Variants in EFHC1 observed in about 807,000 individuals in gnomAD.
The protein encoded by EFHC1 is EF-hand domain-containing protein 1.
Under a neutral mutation model 69.9 loss-of-function variants are expected in EFHC1, and 53 were observed. The ratio of observed to expected loss-of-function variants is 0.76; its 90% confidence interval spans 0.61 to 0.95. The LOEUF is 0.95. EFHC1 is among the 40% of genes least tolerant of loss of function. The pLI, the probability that EFHC1 is intolerant of heterozygous loss-of-function variation, is 0.00. For synonymous variants in EFHC1, 256 were observed against 278.4 expected, an observed-to-expected ratio of 0.92 and a Z score of 0.80; for missense variants, 739 against 798.7, an observed-to-expected ratio of 0.93 and a Z score of 0.90.
chr6:52,444,003 T>C (rs906124438), intron 3 of EFHC1, among the ~76,000 whole-genome samples: 7 of 152,286 alleles, frequency 4.6e-5, no homozygotes, highest in South Asian at 2.1e-4. Context: ...AGGTCCTTCA[T>C]GTCCCTTGTA....
chr6:52,421,281 G>A (rs749065699), intron 1 of EFHC1, among the ~76,000 whole-genome samples: 15 of 152,094 alleles, frequency 9.9e-5, no homozygotes, highest in Admixed American at 7.2e-4. Flanking sequence ...ATTAGTTGCT[G>A]TTTATTCTTC....
chr6:52,486,102 T>C (rs1219943556), intron 9 of EFHC1: 2 of 152,204 alleles, frequency 1.3e-5, no homozygotes, highest in Admixed American at 1.3e-4. Context: ...GGAAATGCAG[T>C]TACAAATATA....
chr6:52,429,484 T>C (rs1010489430), intron 2 of EFHC1, among the ~76,000 whole-genome samples: 6 of 152,196 alleles, frequency 3.9e-5, no homozygotes, highest in African/African-American at 1.4e-4. Context: ...GTTTGCTTTG[T>C]CAAAGATCAG....
chr6:52,426,282 CTTTGCCAGCA>C (rs1262785914), intron 2 of EFHC1, among the ~76,000 whole-genome samples: 1 of 152,190 alleles, frequency 6.6e-6, no homozygotes, highest in Non-Finnish European at 1.5e-5. Flanking sequence ...GAGAGGTTTA[CTTTGCCAGCA>C]TTGTCTTTGG....
chr6:52,460,869 G>T (rs1477785010), intron 5 of EFHC1, among the ~76,000 whole-genome samples: 2 of 152,140 alleles, frequency 1.3e-5, no homozygotes, highest in Non-Finnish European at 2.9e-5. Context: ...GAAAGAAAAT[G>T]AATGCAGAAG....
At position 52,469,213 on chromosome 6, in the gene EFHC1, G is replaced by A; in HGVS notation, c.1138-120G>A. ...ATATTTTCTGACTATATTTGTTTATGTAGAAAATATATTTGCATAAGTATT... is the reference window on the plus strand; with the variant it reads ...ATATTTTCTGACTATATTTGTTTATATAGAAAATATATTTGCATAAGTATT... On this transcript the variant is annotated intron_variant, in intron 6 of 10. Coordinates refer to ENST00000371068, the MANE Select transcript of EFHC1 (RefSeq NM_018100.4). 2.3e-6 allele frequency: 3 copies of A among 1,290,970 alleles called. No individual in the cohort carries two copies. The Admixed American group carries it at 5.9e-5, about 25-fold the overall frequency. The allele number at this position is 1,290,970 out of a possible 1,614,324, so 80.0% of individuals were successfully genotyped here.
At chr6:52,469,672 C>T (rs772074576) in intron 7 of EFHC1, among the ~76,000 whole-genome samples, 199 bp downstream of exon 7, 1 of 152,126 alleles carries the variant, frequency 6.6e-6, no homozygotes, top group Non-Finnish European at 1.5e-5. Flanking sequence ...TAGATCAAGT[C>T]CTATCTCTCC....
chr6:52,431,107 C>G (rs1469494612), intron 2 of EFHC1, among the ~76,000 whole-genome samples: 1 of 152,034 alleles, frequency 6.6e-6, no homozygotes, highest in African/African-American at 2.4e-5. Context: ...GTTAATCTTG[C>G]TAATGGTCTA....
intron 5 of EFHC1, among the ~76,000 whole-genome samples, chr6:52,455,608 C>T (rs922080591): frequency 4.0e-5 from 6 of 151,266 alleles, no homozygotes; most frequent in East Asian, 3.9e-4. Context: ...GAGCCAAGAT[C>T]GTGCCACTGC....
intron 3 of EFHC1, among the ~76,000 whole-genome samples, chr6:52,439,893 A>G (rs543346320): frequency 6.6e-6 from 1 of 152,298 alleles, no homozygotes; most frequent in Admixed American, 6.5e-5. Flanking sequence ...TATATATCAT[A>G]GGCAGTTTCA....
chr6:52,443,804 A>T (rs202138634), intron 3 of EFHC1, among the ~76,000 whole-genome samples: 1 of 151,892 alleles, frequency 6.6e-6, no homozygotes, highest in Non-Finnish European at 1.5e-5. Context: ...CTTTAAAGTA[A>T]TTTTTTCCAA....
intron 10 of EFHC1, 148 bp downstream of exon 10, chr6:52,490,498 G>T (rs1436021978): frequency 4.4e-6 from 3 of 688,738 alleles, no homozygotes; most frequent in Non-Finnish European, 7.5e-6. Context: ...ATTAGGTATT[G>T]CCCGTTGATT....
At chr6:52,479,887 C>A (rs1415715913) in intron 9 of EFHC1, 100 bp downstream of exon 9, 7 of 1,538,410 alleles carry the variant, frequency 4.6e-6, no homozygotes, top group South Asian at 1.2e-5. Context: ...TCTGATTTCT[C>A]TCACCAGGTG....
At chr6:52,431,902 G>A (rs1764423692) in intron 2 of EFHC1, among the ~76,000 whole-genome samples, 2 of 152,084 alleles carry the variant, frequency 1.3e-5, no homozygotes, top group African/African-American at 4.8e-5. Context: ...TATATATTTA[G>A]GATTATGACA....
intron 5 of EFHC1, among the ~76,000 whole-genome samples, chr6:52,458,271 A>G (rs994792394): frequency 6.6e-6 from 1 of 152,170 alleles, no homozygotes; most frequent in Admixed American, 6.5e-5. Flanking sequence ...GCAGGGGGAA[A>G]AAAAAAGCAA....
intron 2 of EFHC1, among the ~76,000 whole-genome samples, chr6:52,437,942 T>C (rs570669312): frequency 2.0e-5 from 3 of 152,348 alleles, no homozygotes; most frequent in African/African-American, 7.2e-5. Context: ...TCCCTTGTAA[T>C]GGGAGAGCAG....
intron 3 of EFHC1, 49 bp downstream of exon 3, chr6:52,438,640 T>C (rs2113979748): frequency 1.9e-6 from 3 of 1,575,476 alleles, no homozygotes; most frequent in East Asian, 2.2e-5. Context: ...ATCATTCTAA[T>C]TTATAGAAGG....
Position 52,494,900 on chromosome 6 carries a change from T to G in EFHC1, c.*2559T>G. 2.2e-6 allele frequency: 1 copy of G among 451,326 alleles called. No homozygotes were observed. Among genetic ancestry groups the G allele is most frequent in the Non-Finnish European group, 4.5e-6 (1 of 224,714 alleles). The allele number at this position is 451,326 out of a possible 1,614,324, so 28.0% of individuals were successfully genotyped here. The stretch of plus-strand genomic sequence containing the variant: ...TTTCATTTTTTATGGCTGCGTAGTA[T>G]TCCATGGTGTAGATATACTTCATTT... On this transcript the variant is annotated 3_prime_UTR_variant, in exon 11 of 11. Transcript: ENST00000371068.
chr6:52,463,993 A>G (rs570976535), intron 5 of EFHC1, among the ~76,000 whole-genome samples: 13 of 152,308 alleles, frequency 8.5e-5, no homozygotes, highest in African/African-American at 2.9e-4. Flanking sequence ...TTTCAATCTC[A>G]GTAATTACTA....
Sources: allele counts gnomAD v4.1 joint callset (sites outside exome capture counted in the v4.1 genomes callset), GRCh38; gene constraint gnomAD v4.1.1; transcripts MANE v1.5; gene names NCBI Gene and HGNC (gene_info 2026-07-23, HGNC 2026-07-21).